RYR3: variants seen among roughly 807,000 people sequenced by gnomAD.
The protein encoded by RYR3 is ryanodine receptor 3.
In RYR3, 207 loss-of-function variants were observed where a neutral mutation model predicts 584.3. The observed-to-expected ratio is 0.35, with a 90% CI of 0.32 to 0.40. The LOEUF is 0.40. Ranked by LOEUF, RYR3 falls within the 10% of genes least tolerant of loss-of-function variation. The pLI, the probability that RYR3 is intolerant of heterozygous loss-of-function variation, is 1.00. For synonymous variants in RYR3, 2,416 were observed against 2,248.5 expected (o/e 1.07, Z -2.11); for missense variants, 5,616 against 6,089.2 (o/e 0.92, Z 2.59).
chr15:33,312,566 T>G (rs992622058), intron 1 of RYR3, among the ~76,000 whole-genome samples: 1 of 152,154 alleles, frequency 6.6e-6, no homozygotes, highest in African/African-American at 2.4e-5. Flanking sequence ...CCCTCAAAGC[T>G]CCATCAAATC....
intron 80 of RYR3, among the ~76,000 whole-genome samples, chr15:33,822,066 G>A (rs1297026995): frequency 6.6e-6 from 1 of 151,258 alleles, no homozygotes; most frequent in Non-Finnish European, 1.5e-5. Context: ...GACCATGCCA[G>A]GCTCTGCTGC....
Position 33,841,935 on chromosome 15 carries a change from C to T in RYR3, c.13109C>T (p.Thr4370Ile), listed in dbSNP as rs965959892. Residue 4370 changes from threonine to isoleucine, a missense_variant, in exon 91 of 104, where the codon ACA becomes ATA. Physicochemically the swap from Thr to Ile is moderately conservative, Grantham distance 89. Around this residue, in one of 9 missense-constraint regions of RYR3, gnomAD observed 918 missense variants for 887.4 expected, o/e 1.03. Coordinates refer to ENST00000634891, the MANE Select transcript of RYR3 (RefSeq NM_001036.6). Reference protein sequence around the residue: ...EQAEYLWTEVTKKKKRRCGQK... With the variant: ...EQAEYLWTEVIKKKKRRCGQK... ...GCTGAGTACCTGTGGACAGAAGTGACAAAAAAGAAGAAGCGGCGGTGTGGT... is the reference window on the plus strand; with the variant it reads ...GCTGAGTACCTGTGGACAGAAGTGATAAAAAAGAAGAAGCGGCGGTGTGGT... 6.3e-7 allele frequency: 1 copy of T among 1,585,616 alleles called. No individual in the cohort carries two copies. Among genetic ancestry groups the T allele is most frequent in the African/African-American group, 1.3e-5 (1 of 74,174 alleles).
At position 33,861,121 on chromosome 15, in the gene RYR3, C is replaced by T. The variant is rs1338844078; in HGVS notation, c.14408C>T (p.Thr4803Ile). The T allele has an allele frequency of 1.3e-6, 2 of 1,597,954 alleles. No individual in the cohort carries two copies. Among genetic ancestry groups the T allele is most frequent in the East Asian group, 2.2e-5 (1 of 44,604 alleles). The change falls in exon 102 of 104, where the codon ACA becomes ATA. Residue 4803 changes from threonine to isoleucine, a missense_variant. This residue lies in a region of RYR3 where 918 missense variants were observed against 887.4 expected (regional missense o/e 1.03). Transcript: ENST00000634891. ...GGGATTGGCAATGACTACTTTGACA[C>T]AACCCCTCATGGTTTTGAAACACAT... is the stretch of plus-strand genomic sequence containing the variant. ...ICGIGNDYFD[T>I]TPHGFETHTL...
chr15:33,820,906 T>C, intron 78 of RYR3, 94 bp downstream of exon 78: 1 of 105,690 alleles, frequency 9.5e-6, no homozygotes, highest in Non-Finnish European at 1.3e-5. Flanking sequence ...TATTGAGCAT[T>C]TCCTGCATTC....
At chr15:33,349,685 C>T (rs934421916) in intron 1 of RYR3, among the ~76,000 whole-genome samples, 12 of 150,238 alleles carry the variant, frequency 8.0e-5, no homozygotes, top group Middle Eastern at 3.4e-3. Flanking sequence ...TGCTGGTGCG[C>T]TGCACCCACT....
At chr15:33,519,722 T>C (rs183857684) in intron 3 of RYR3, among the ~76,000 whole-genome samples, 2 of 152,114 alleles carry the variant, frequency 1.3e-5, no homozygotes, top group Admixed American at 1.3e-4. Context: ...AATGAAATCA[T>C]GAGAGGTTCA....
intron 2 of RYR3, among the ~76,000 whole-genome samples, chr15:33,482,741 T>C (rs1377898663): frequency 6.6e-6 from 1 of 152,156 alleles, no homozygotes; most frequent in Non-Finnish European, 1.5e-5. Context: ...ATCTGAATGA[T>C]GTGTTTGAGG....
chr15:33,311,525 C>T lies in RYR3; in HGVS notation c.51+429C>T, dbSNP rs574136320. Among the ~76,000 whole-genome samples the T allele has an allele frequency of 6.6e-6, 1 of 152,320 alleles. No homozygotes were observed. Among genetic ancestry groups the T allele is most frequent in the South Asian group, 2.1e-4 (1 of 4,828 alleles). ...CAGCCCCATTCCTCTTCCAGGGCGC[C>T]CCCACGCACAGGGGAACCTCCGGGA... On this transcript the variant is annotated intron_variant, in intron 1 of 103. Coordinates refer to ENST00000634891, the MANE Select transcript of RYR3 (RefSeq NM_001036.6). The surrounding 1 kb of genome is among the most constrained non-coding windows in gnomAD (Gnocchi z 4.4).
At chr15:33,462,609 A>G (rs1373275911) in intron 1 of RYR3, among the ~76,000 whole-genome samples, 1 of 152,210 alleles carries the variant, frequency 6.6e-6, no homozygotes, top group East Asian at 1.9e-4. Flanking sequence ...CCAATGATAA[A>G]TAGGAAGATA....
At chr15:33,368,374 C>A (rs1975809986) in intron 1 of RYR3, among the ~76,000 whole-genome samples, 1 of 119,092 alleles carries the variant, frequency 8.4e-6, no homozygotes, top group Non-Finnish European at 1.6e-5. Context: ...ACCATGGTGG[C>A]TCCTTACTAC....
chr15:33,508,568 T>A (rs1047206277), intron 3 of RYR3, among the ~76,000 whole-genome samples: 1 of 152,170 alleles, frequency 6.6e-6, no homozygotes, highest in African/African-American at 2.4e-5. Flanking sequence ...GAGAATGGTG[T>A]GAACCTGGGA....
At chr15:33,667,462 A>G (rs1290574665) in intron 36 of RYR3, among the ~76,000 whole-genome samples, 4 of 152,062 alleles carry the variant, frequency 2.6e-5, no homozygotes, top group Non-Finnish European at 4.4e-5. Context: ...AAAATTGCAC[A>G]TTTTTTCATG....
rs1217666115 is a variant in RYR3 at position 33,722,796 on chromosome 15, G to A, written c.6701G>A (p.Gly2234Asp). Residue 2234 changes from glycine (G) to aspartate (D), a missense_variant, in exon 44 of 104, where the codon GGT becomes GAT. Gly to Asp is a moderately conservative substitution (Grantham distance 94). Transcript: ENST00000634891. The part of the protein sequence containing the change: ...RPECFGPALR[G>D]EGGNGLLAAM... ...GAGTGCTTCGGCCCGGCCCTGCGGG[G>A]TGAGGGGGGAAACGGGCTCTTGGCA... 4 of 1,613,220 alleles carry A rather than the reference G, an allele frequency of 2.5e-6. No homozygotes were observed. The highest frequency in any genetic ancestry group is 3.3e-5 in the Admixed American group (2 of 59,898).
chr15:33,667,027 T>C (rs958183052), intron 36 of RYR3, among the ~76,000 whole-genome samples: 14 of 152,380 alleles, frequency 9.2e-5, no homozygotes, highest in Admixed American at 9.1e-4. Flanking sequence ...TTACTGTAAT[T>C]TAACCTCACA....
At chr15:33,834,231 C>A (rs1357086315) in intron 86 of RYR3, among the ~76,000 whole-genome samples, 1 of 151,190 alleles carries the variant, frequency 6.6e-6, no homozygotes. Context: ...TTGCAGTAAG[C>A]CGAGATCATG....
intron 51 of RYR3, 100 bp downstream of exon 51, chr15:33,740,095 T>C: frequency 1.0e-6 from 1 of 978,320 alleles, no homozygotes; most frequent in Non-Finnish European, 1.5e-6. Flanking sequence ...CCTCTTTCCC[T>C]CCTGCCAACA....
chr15:33,822,863 C>T, intron 80 of RYR3, 133 bp from the exon 81 acceptor site: 1 of 604,460 alleles, frequency 1.7e-6, no homozygotes, highest in African/African-American at 1.8e-5. Context: ...CATGATCTAC[C>T]CCATGGGACT....
chr15:33,495,190 T>G (rs548581623), intron 2 of RYR3, among the ~76,000 whole-genome samples: 6 of 152,222 alleles, frequency 3.9e-5, no homozygotes, highest in Non-Finnish European at 7.3e-5. Context: ...GAGAATGCTT[T>G]CTGAGGTACA....
At chr15:33,863,375 T>A (rs149069786) in intron 102 of RYR3, among the ~76,000 whole-genome samples, 4,929 of 152,276 alleles carry the variant, frequency 0.032, 156 homozygotes, top group Non-Finnish European at 0.039. Flanking sequence ...TGACGCTCTA[T>A]ACACTATACC....
Sources: allele counts gnomAD v4.1 joint callset (sites outside exome capture counted in the v4.1 genomes callset), GRCh38; gene constraint gnomAD v4.1.1; regional missense constraint gnomAD v4.1.1; non-coding constraint Gnocchi (gnomAD v3.1); transcripts MANE v1.5; gene names NCBI Gene and HGNC (gene_info 2026-07-23, HGNC 2026-07-21).